STX17: variants seen among roughly 807,000 people sequenced by gnomAD.
STX17 encodes the protein syntaxin-17.
Under a neutral mutation model 35.9 loss-of-function variants are expected in STX17, and 29 were observed. The ratio of observed to expected loss-of-function variants is 0.81; its 90% confidence interval spans 0.60 to 1.10. The LOEUF (loss-of-function observed/expected upper bound fraction) is 1.10. STX17 is among the 50% of genes least tolerant of loss of function. STX17 has a pLI of 0.00. For missense variants in STX17, 312 were observed against 352.3 expected, an observed-to-expected ratio of 0.89 and a Z score of 0.92; for synonymous variants, 92 against 118.3, an observed-to-expected ratio of 0.78 and a Z score of 1.44.
intron 6 of STX17, among the ~76,000 whole-genome samples, chr9:99,960,422 C>T (rs751638574): frequency 6.6e-6 from 1 of 151,698 alleles, no homozygotes; most frequent in Non-Finnish European, 1.5e-5. Context: ...AGCCCATTCT[C>T]TGCCTTTGAA....
chr9:99,926,312 CTGT>C (rs1159718801), intron 2 of STX17, among the ~76,000 whole-genome samples: 1 of 151,944 alleles, frequency 6.6e-6, no homozygotes, highest in African/African-American at 2.4e-5. Flanking sequence ...GGGTCTATTT[CTGT>C]TGATTGGTTT....
At chr9:99,938,879 C>T (rs1197850624) in intron 3 of STX17, among the ~76,000 whole-genome samples, 1 of 151,826 alleles carries the variant, frequency 6.6e-6, no homozygotes, top group Non-Finnish European at 1.5e-5. Flanking sequence ...GATTTTTCTT[C>T]ATAATAGTGA....
chr9:99,959,819 C>T, intron 4 of STX17, 98 bp from the exon 5 acceptor site: 3 of 869,800 alleles, frequency 3.4e-6, no homozygotes, highest in Non-Finnish European at 3.7e-6. Context: ...TAATTAGACA[C>T]CATTTAACGT....
At chr9:99,914,861 A>T (rs1224823178) in intron 1 of STX17, among the ~76,000 whole-genome samples, 1 of 152,214 alleles carries the variant, frequency 6.6e-6, no homozygotes. Flanking sequence ...CTACTTACAT[A>T]GAAAAAGACC....
rs992214106 is a variant in STX17 at position 99,970,781 on chromosome 9, C to G, written c.*2108C>G. Among the ~76,000 whole-genome samples the G allele has an allele frequency of 6.6e-6, 1 of 152,200 alleles. No individual in the cohort carries two copies. Among genetic ancestry groups the G allele is most frequent in the Non-Finnish European group, 1.5e-5 (1 of 68,038 alleles). ...CAAATTGGCTATCCTTTCAGCCCAC[C>G]AACTTAGCGGCAGCACTAGGGATTC... On this transcript the variant is annotated 3_prime_UTR_variant, in exon 8 of 8. Transcript: ENST00000259400.
At chr9:99,919,406 G>T (rs148701352) in intron 2 of STX17, among the ~76,000 whole-genome samples, 1 of 152,076 alleles carries the variant, frequency 6.6e-6, no homozygotes, top group Non-Finnish European at 1.5e-5. Flanking sequence ...ACCATGCTTG[G>T]CTGTGGCTTG....
chr9:99,929,157 C>T (rs777521723), intron 3 of STX17: 6 of 196,384 alleles, frequency 3.1e-5, no homozygotes, highest in Non-Finnish European at 5.1e-5. Context: ...AATTGTGCCA[C>T]TTCGTTGTTC....
chr9:99,931,678 T>C (rs1275376412), intron 3 of STX17, among the ~76,000 whole-genome samples: 1 of 152,156 alleles, frequency 6.6e-6, no homozygotes, highest in Non-Finnish European at 1.5e-5. Flanking sequence ...TGGTTCTTTG[T>C]AGAAAAAATT....
rs1198337608 is a variant in STX17 at position 99,974,046 on chromosome 9, G to C, written c.*5373G>C. On this transcript the variant is annotated 3_prime_UTR_variant, in exon 8 of 8. Coordinates refer to ENST00000259400, the MANE Select transcript of STX17 (RefSeq NM_017919.3). ...GGGGGTTATTTAAGCTCTTGGACGA[G>C]CCTAAAACTTGTATCCTGAAGAAAA... Among the ~76,000 whole-genome samples the C allele has an allele frequency of 6.6e-6, 1 of 152,290 alleles. No individual in the cohort carries two copies. Among genetic ancestry groups the C allele is most frequent in the East Asian group, 1.9e-4 (1 of 5,192 alleles).
At chr9:99,932,841 A>G (rs1402564191) in intron 3 of STX17, among the ~76,000 whole-genome samples, 2 of 152,098 alleles carry the variant, frequency 1.3e-5, no homozygotes, top group Non-Finnish European at 2.9e-5. Context: ...GGGACAAATA[A>G]CCTCATCAAC....
At chr9:99,930,690 C>T (rs1829103355) in intron 3 of STX17, among the ~76,000 whole-genome samples, 1 of 152,148 alleles carries the variant, frequency 6.6e-6, no homozygotes, top group Non-Finnish European at 1.5e-5. Flanking sequence ...TCTGTGTTTA[C>T]ATCTCTATTT....
chr9:99,926,319 T>C (rs1828984764), intron 2 of STX17, among the ~76,000 whole-genome samples: 3 of 152,168 alleles, frequency 2.0e-5, no homozygotes, highest in South Asian at 4.1e-4. Context: ...TTTCTGTTGA[T>C]TGGTTTTTCT....
intron 2 of STX17, among the ~76,000 whole-genome samples, chr9:99,928,117 CAT>C (rs1025613296): frequency 5.3e-5 from 8 of 152,118 alleles, no homozygotes; most frequent in Admixed American, 1.3e-4. Flanking sequence ...ATAAAAATAA[CAT>C]ATGATATTTG....
intron 4 of STX17, among the ~76,000 whole-genome samples, chr9:99,952,387 C>G (rs1027962648): frequency 1.3e-5 from 2 of 152,120 alleles, no homozygotes; most frequent in African/African-American, 4.8e-5. Context: ...ACAACAGGTG[C>G]TGGAGAGGAT....
chr9:99,911,724 C>T (rs1587907810), intron 1 of STX17, among the ~76,000 whole-genome samples: 1 of 151,918 alleles, frequency 6.6e-6, no homozygotes. Context: ...CTACAGGCAC[C>T]CACCACCACA....
At chr9:99,923,018 A>G (rs1828917642) in intron 2 of STX17, among the ~76,000 whole-genome samples, 1 of 152,190 alleles carries the variant, frequency 6.6e-6, no homozygotes, top group South Asian at 2.1e-4. Context: ...CAAAACCTGT[A>G]GAACCAATTT....
At chr9:99,953,837 T>G (rs1829652631) in intron 4 of STX17, among the ~76,000 whole-genome samples, 1 of 152,094 alleles carries the variant, frequency 6.6e-6, no homozygotes, top group Non-Finnish European at 1.5e-5. Context: ...ATACTTGCTT[T>G]AATTTGCATT....
chr9:99,937,508 T>C (rs1459313746), intron 3 of STX17, among the ~76,000 whole-genome samples: 1 of 152,212 alleles, frequency 6.6e-6, no homozygotes, highest in African/African-American at 2.4e-5. Flanking sequence ...TTATTAGTCT[T>C]AACAGCAGTG....
At chr9:99,936,904 G>T (rs1041531247) in intron 3 of STX17, among the ~76,000 whole-genome samples, 3 of 151,974 alleles carry the variant, frequency 2.0e-5, no homozygotes, top group African/African-American at 7.2e-5. Context: ...ATTTCCATCT[G>T]GTGTGGTTTT....
Sources: allele counts gnomAD v4.1 joint callset (sites outside exome capture counted in the v4.1 genomes callset), GRCh38; gene constraint gnomAD v4.1.1; transcripts MANE v1.5; gene names NCBI Gene and HGNC (gene_info 2026-07-23, HGNC 2026-07-21).